Variants in WDR35 observed in about 807,000 individuals in gnomAD.
The protein encoded by WDR35 is WD repeat-containing protein 35.
WDR35 carries 118 observed loss-of-function variants against 158.3 expected under a neutral mutation model. The ratio of observed to expected loss-of-function variants is 0.75; its 90% CI spans 0.64 to 0.87. The LOEUF (loss-of-function observed/expected upper bound fraction) is 0.87. WDR35 is among the 40% of genes least tolerant of loss of function. The probability of loss-of-function intolerance (pLI) is 0.00; values close to 1 mark genes in which losing one functional copy is unlikely to be tolerated. For missense variants in WDR35, 1,263 were observed against 1,405.8 expected (o/e 0.90, Z 1.62); for synonymous variants, 448 against 476.1 (o/e 0.94, Z 0.77).
rs550321380 is a variant in WDR35 at position 19,975,747 on chromosome 2, C to G, written c.437-84G>C. 25 of 1,571,196 alleles carry G rather than the reference C, an allele frequency of 1.6e-5. No individual in the cohort carries two copies. The African/African-American group carries it at 2.4e-4, about 15-fold the overall frequency. The stretch of plus-strand genomic sequence containing the variant: ...GAAATCTTTGTTTTTCTAAAGATCT[C>G]ACAAATTCTTCACAGCATTCATGCA... On this transcript the variant is annotated intron_variant, in intron 5 of 26. Coordinates refer to ENST00000281405, the MANE Select transcript of WDR35 (RefSeq NM_020779.4).
chr2:19,933,283 T>G (rs2103399522), intron 22 of WDR35, 118 bp downstream of exon 22: 1 of 829,096 alleles, frequency 1.2e-6, no homozygotes, highest in East Asian at 2.6e-5. Context: ...CACGTCAGGC[T>G]CTCCAACCCT....
At chr2:19,917,611 T>G (rs1195291487) in intron 25 of WDR35, among the ~76,000 whole-genome samples, 2 of 152,128 alleles carry the variant, frequency 1.3e-5, no homozygotes, top group Non-Finnish European at 2.9e-5. Flanking sequence ...CAAGTATCAA[T>G]AGCCAAACTG....
intron 10 of WDR35, chr2:19,962,238 C>T: frequency 6.2e-7 from 1 of 1,600,976 alleles, no homozygotes; most frequent in Non-Finnish European, 8.5e-7. Flanking sequence ...CAGCTATAAC[C>T]TCAAAACTCA....
At position 19,974,479 on chromosome 2, in the gene WDR35, T is replaced by C. The variant is rs139543775; in HGVS notation, c.725A>G (p.Glu242Gly). ...DNGRCQIMRH[E>G]NDQNPVLIDT... Reference sequence around the variant, plus strand: ...GAAAAATTCCTTACTTTGGTCATTCTCATGTCTCATTATTTGGCATCTTCC... The same window carrying C: ...GAAAAATTCCTTACTTTGGTCATTCCCATGTCTCATTATTTGGCATCTTCC... The change falls in exon 7 of 27, where the codon GAG becomes GGG. Residue 242 changes from glutamate (E) to glycine (G), a missense_variant. Transcript: ENST00000281405. The C allele has an allele frequency of 4.7e-5, 75 of 1,608,576 alleles. No homozygotes were observed. In the East Asian group the frequency reaches 1.7e-3, roughly 36 times the overall value.
At chr2:19,979,875 T>TAAAACAGCACACATGAACTTTTC (rs1188425350) in intron 4 of WDR35, among the ~76,000 whole-genome samples, 1 of 152,134 alleles carries the variant, frequency 6.6e-6, no homozygotes, top group African/African-American at 2.4e-5. Context: ...CCCTGCCATT[T>TAAAACAGCACACATGAACTTTTC]AAAACAGCAC....
In WDR35 at chr2:19,913,582, G is replaced by C; in HGVS notation, c.3489C>G (p.Pro1163=). Residue 1163 remains proline (P), a synonymous_variant, in exon 27 of 27, where the codon CCC becomes CCG. Transcript: ENST00000281405. ...AQEISHYSFC[P]LCHSPVG ...TTTATCCCACTGGACTATGGCATAA[G>C]GGGCAGAAGCTGTAGTGGCTTATTT... 1 of 1,614,018 alleles carries C rather than the reference G, an allele frequency of 6.2e-7. No individual in the cohort carries two copies. Among genetic ancestry groups the C allele is most frequent in the Non-Finnish European group, 8.5e-7 (1 of 1,179,946 alleles).
intron 13 of WDR35, among the ~76,000 whole-genome samples, chr2:19,949,089 A>G (rs1046375753): frequency 2.6e-5 from 4 of 152,198 alleles, no homozygotes; most frequent in African/African-American, 9.6e-5. Flanking sequence ...ATACTCTACT[A>G]CACTTACATA....
intron 25 of WDR35, 53 bp downstream of exon 25, chr2:19,930,343 A>C (rs960801889): frequency 5.0e-6 from 8 of 1,612,110 alleles, no homozygotes; most frequent in Non-Finnish European, 6.8e-6. Flanking sequence ...CTAGCCCTTC[A>C]TACTCAATTT....
At chr2:19,956,345 G>A (rs1355020437) in intron 11 of WDR35, among the ~76,000 whole-genome samples, 1 of 152,052 alleles carries the variant, frequency 6.6e-6, no homozygotes, top group East Asian at 1.9e-4. Context: ...TACTCACAAG[G>A]GTTTATCATT....
At position 19,924,296 on chromosome 2, in the gene WDR35, G is replaced by T. The variant is rs142213344; in HGVS notation, c.3121+6100C>A. Among the ~76,000 whole-genome samples, 840 of 152,264 alleles carry T rather than the reference G, an allele frequency of 5.5e-3. 11 individuals carry two copies. The highest frequency in any genetic ancestry group is 0.019 in the African/African-American group (791 of 41,526). ...AAGGTGATTGCAGGCCGGGTGCAGT[G>T]GCTCATGCCTGTAATCCCAGCACTT... On this transcript the variant is annotated intron_variant, in intron 25 of 26. Transcript: ENST00000281405.
chr2:19,937,980 T>C, intron 18 of WDR35, 34 bp from the exon 19 acceptor site: 1 of 1,609,152 alleles, frequency 6.2e-7, no homozygotes, highest in Non-Finnish European at 8.5e-7. Context: ...CATAAGTGCA[T>C]ATTGCAAATT....
intron 16 of WDR35, among the ~76,000 whole-genome samples, chr2:19,944,535 T>G (rs77497802): frequency 0.017 from 2,565 of 152,280 alleles, 76 homozygotes; most frequent in African/African-American, 0.06. Context: ...CTCAAGGTTA[T>G]CCTGTGGATT....
intron 25 of WDR35, among the ~76,000 whole-genome samples, chr2:19,924,577 G>A (rs1178120821): frequency 6.6e-6 from 1 of 152,118 alleles, no homozygotes; most frequent in Non-Finnish European, 1.5e-5. Flanking sequence ...ACAAAAAGGT[G>A]ATTGCAGATT....
chr2:19,975,794 A>G, intron 5 of WDR35, 131 bp from the exon 6 acceptor site: 2 of 1,232,328 alleles, frequency 1.6e-6, no homozygotes, highest in Non-Finnish European at 2.3e-6. Context: ...TATTTGGCCA[A>G]TAAATATTTA....
chr2:19,914,193 G>T lies in WDR35; in HGVS notation c.3206C>A (p.Ala1069Asp). Residue 1069 changes from alanine to aspartate, a missense_variant, in exon 26 of 27, where the codon GCC becomes GAC. Ala to Asp is a moderately radical substitution (Grantham distance 126). Coordinates refer to ENST00000281405, the MANE Select transcript of WDR35 (RefSeq NM_020779.4). ...GAAAGCTTTTGAACAAGTCCCAAAG[G>T]CTCTGCTGGCGCATGCGCAGAGTGC... ...LLALCACASR[A>D]FGTCSKAFIK... 1 of 1,614,196 alleles carries T rather than the reference G, an allele frequency of 6.2e-7. No individual in the cohort carries two copies. Among genetic ancestry groups the T allele is most frequent in the Non-Finnish European group, 8.5e-7 (1 of 1,180,012 alleles).
At chr2:19,983,350 GA>G (rs1672449998) in intron 2 of WDR35, among the ~76,000 whole-genome samples, 2 of 152,156 alleles carry the variant, frequency 1.3e-5, no homozygotes, top group South Asian at 4.1e-4. Context: ...GAACAGGGGA[GA>G]AAATTGCATC....
intron 12 of WDR35, among the ~76,000 whole-genome samples, chr2:19,952,383 T>A (rs1435027012): frequency 6.6e-6 from 1 of 152,208 alleles, no homozygotes. Flanking sequence ...ATCACCATCA[T>A]CAACTGTACC....
chr2:19,958,631 A>G (rs994896947), intron 11 of WDR35, among the ~76,000 whole-genome samples: 4 of 152,220 alleles, frequency 2.6e-5, no homozygotes, highest in Non-Finnish European at 4.4e-5. Context: ...CCATGCATTC[A>G]ATAAACATTT....
At chr2:19,938,481 AC>A in intron 17 of WDR35, 80 bp from the exon 18 acceptor site, 2 of 1,507,694 alleles carry the variant, frequency 1.3e-6, no homozygotes, top group Non-Finnish European at 1.8e-6. Flanking sequence ...AAAAACCAGA[AC>A]AAAACAAAAC....
Sources: gnomAD v4.1 joint callset for allele counts (sites outside exome capture counted in the v4.1 genomes callset) on GRCh38, gnomAD v4.1.1 for gene constraint, MANE v1.5 for transcripts, NCBI Gene and HGNC (gene_info 2026-07-23, HGNC 2026-07-21) for gene names.